Variants in GFPT2 observed in about 807,000 individuals in gnomAD.
The protein encoded by GFPT2 is glutamine--fructose-6-phosphate transaminase 2, also known as glutamine--fructose-6-phosphate aminotransferase [isomerizing] 2.
In GFPT2, 62 loss-of-function variants were observed where a neutral mutation model predicts 85.6. The ratio of observed to expected loss-of-function variants is 0.72; its 90% confidence interval spans 0.59 to 0.90. The LOEUF (loss-of-function observed/expected upper bound fraction) is 0.90. Among genes scored for constraint, GFPT2 ranks in the 40% least tolerant of loss-of-function variants. The pLI, the probability that GFPT2 is intolerant of heterozygous loss-of-function variation, is 0.00. For synonymous variants in GFPT2, 368 were observed against 344.5 expected, an observed-to-expected ratio of 1.07 and a Z score of -0.75; for missense variants, 788 against 893.4, an observed-to-expected ratio of 0.88 and a Z score of 1.50.
intron 1 of GFPT2, 50 bp from the exon 2 acceptor site, chr5:180,338,650 T>G (rs1283093306): frequency 8.5e-7 from 1 of 1,180,924 alleles, no homozygotes; most frequent in Admixed American, 1.8e-5. Flanking sequence ...CAGCTCGTGT[T>G]TGGAAGAAAA....
intron 7 of GFPT2, among the ~76,000 whole-genome samples, chr5:180,327,608 GGTCAGAT>G (rs1159477259): frequency 6.6e-6 from 1 of 152,236 alleles, no homozygotes; most frequent in Non-Finnish European, 1.5e-5. Context: ...GCAGGGACCA[GGTCAGAT>G]GTCACTAAGT....
At chr5:180,339,086 A>G (rs1764459112) in intron 1 of GFPT2, among the ~76,000 whole-genome samples, 1 of 152,026 alleles carries the variant, frequency 6.6e-6, no homozygotes, top group African/African-American at 2.4e-5. Context: ...GACCTTAAAT[A>G]AGCACTACTT....
intron 7 of GFPT2, among the ~76,000 whole-genome samples, chr5:180,327,983 G>A (rs1764239839): frequency 1.3e-5 from 2 of 152,110 alleles, no homozygotes; most frequent in Admixed American, 6.5e-5. Context: ...GATCTGCCCT[G>A]TCTGTACGAT....
In GFPT2 at chr5:180,335,956, A is replaced by T; in HGVS notation, c.215-3T>A. The T allele has an allele frequency of 1.3e-6, 2 of 1,560,596 alleles. No individual in the cohort carries two copies. The highest frequency in any genetic ancestry group is 1.7e-6 in the Non-Finnish European group (2 of 1,158,720). On this transcript the variant is annotated splice_polypyrimidine_tract_variant and splice_region_variant and intron_variant, in intron 3 of 18. Coordinates refer to ENST00000253778, the MANE Select transcript of GFPT2 (RefSeq NM_005110.4). Reference sequence around the variant, plus strand: ...TTTTAAGTCCATGCTGTCTTGTTCTAAATGAAAGGAAAATCAGTTTGCCGC... The same window carrying T: ...TTTTAAGTCCATGCTGTCTTGTTCTTAATGAAAGGAAAATCAGTTTGCCGC...
At chr5:180,329,920 ACTT>A (rs1174811637) in intron 6 of GFPT2, among the ~76,000 whole-genome samples, 1 of 152,012 alleles carries the variant, frequency 6.6e-6, no homozygotes, top group Non-Finnish European at 1.5e-5. Flanking sequence ...CTTCTCAGGG[ACTT>A]CTTCTCCCTG....
chr5:180,321,929 C>A (rs919764109), intron 9 of GFPT2, among the ~76,000 whole-genome samples: 4 of 152,010 alleles, frequency 2.6e-5, no homozygotes, highest in African/African-American at 7.2e-5. Flanking sequence ...GACTACAGGC[C>A]TCCGCCACCA....
intron 16 of GFPT2, among the ~76,000 whole-genome samples, chr5:180,306,032 T>A (rs937988740): frequency 6.6e-5 from 10 of 150,844 alleles, no homozygotes; most frequent in African/African-American, 2.2e-4. Flanking sequence ...TCTCCCAGGC[T>A]GGAGTGCAGT....
At chr5:180,304,690 T>C (rs1581365385) in intron 17 of GFPT2, 82 bp downstream of exon 17, 1 of 1,257,358 alleles carries the variant, frequency 8.0e-7, no homozygotes, top group East Asian at 2.3e-5. Context: ...CATCCATCAC[T>C]GGTACTGGCA....
In GFPT2 at chr5:180,328,300, G is replaced by A; in HGVS notation, c.573C>T (p.Tyr191=). 1.2e-6 allele frequency: 2 copies of A among 1,612,762 alleles called. No homozygotes were observed. The highest frequency in any genetic ancestry group is 1.7e-6 in the Non-Finnish European group (2 of 1,178,778). ...AFALVFKSVH[Y]PGEAVATRRG... ...ACCGTGTGGCAACGGCTTCTCCTGG[G>A]TAGTGGACACTCTTGAAAACCAGCG... The change falls in exon 7 of 19, where the codon TAC becomes TAT. Residue 191 remains tyrosine (Y), a synonymous_variant. Coordinates refer to ENST00000253778, the MANE Select transcript of GFPT2 (RefSeq NM_005110.4). The surrounding 1 kb of genome is among the most constrained non-coding windows in gnomAD (Gnocchi z 5.4).
At chr5:180,307,387 G>A in intron 15 of GFPT2, 84 bp from the exon 16 acceptor site, 1 of 1,410,006 alleles carries the variant, frequency 7.1e-7, no homozygotes, top group Non-Finnish European at 1.0e-6. Context: ...TGGGGTTTAA[G>A]AGGAGCTTTT....
In GFPT2 at chr5:180,316,444, C is replaced by T. The variant is rs1764011537; in HGVS notation, c.1170G>A (p.Glu390=). The T allele has an allele frequency of 6.2e-7, 1 of 1,614,110 alleles. No individual in the cohort carries two copies. Among genetic ancestry groups the T allele is most frequent in the Non-Finnish European group, 8.5e-7 (1 of 1,179,978 alleles). ...HAAVATRQVL[E]ELTELPVMVE... ...CCATCACAGGAAGCTCAGTCAGTTC[C>T]TCCAAAACTTGCCGCGTCTGAAGCC... The change falls in exon 13 of 19, where the codon GAG becomes GAA. Residue 390 remains glutamate, a synonymous_variant. Coordinates refer to ENST00000253778, the MANE Select transcript of GFPT2 (RefSeq NM_005110.4).
At position 180,312,539 on chromosome 5, in the gene GFPT2, A is replaced by G. The variant is rs1763914236; in HGVS notation, c.1437T>C (p.Tyr479=). ...TCACCAGAGAGATGAACTGACTGGT[A>G]TAAGCCTGTGCACAAAGAAGGAGGT... is the stretch of plus-strand genomic sequence containing the variant. ...PEIGVASTKA[Y]TSQFISLVMF... Residue 479 remains tyrosine (Y), a synonymous_variant, in exon 15 of 19, where the codon TAT becomes TAC. Transcript: ENST00000253778. 2.6e-6 allele frequency: 4 copies of G among 1,544,312 alleles called. No individual in the cohort carries two copies. Among genetic ancestry groups the G allele is most frequent in the Non-Finnish European group, 3.6e-6 (4 of 1,116,654 alleles).
At chr5:180,332,656 G>T (rs746561060) in intron 4 of GFPT2, among the ~76,000 whole-genome samples, 1 of 152,130 alleles carries the variant, frequency 6.6e-6, no homozygotes, top group Non-Finnish European at 1.5e-5. Context: ...TCCTGCCTCA[G>T]CCTCCCAAGT....
intron 7 of GFPT2, among the ~76,000 whole-genome samples, chr5:180,325,735 C>T (rs1239793407): frequency 2.0e-5 from 3 of 152,238 alleles, no homozygotes; most frequent in Non-Finnish European, 4.4e-5. Flanking sequence ...ATGAAGATCT[C>T]ATGATTTGGC....
chr5:180,304,857 T>C lies in GFPT2; in HGVS notation c.1757A>G (p.Lys586Arg). ...AATGACCATGATGACGGGCATCTGC[T>C]TGTCAATCAGTGCCAGGGGCCCGTG... ...LKHGPLALID[K>R]QMPVIMVIMK... The change falls in exon 17 of 19, where the codon AAG becomes AGG. Residue 586 changes from lysine to arginine, a missense_variant. Physicochemically the swap from Lys to Arg is conservative, Grantham distance 26. Coordinates refer to ENST00000253778, the MANE Select transcript of GFPT2 (RefSeq NM_005110.4). The C allele has an allele frequency of 1.2e-6, 2 of 1,613,348 alleles. No homozygotes were observed. The highest frequency in any genetic ancestry group is 4.5e-5 in the East Asian group (2 of 44,876).
At chr5:180,326,520 G>C (rs557751478) in intron 7 of GFPT2, among the ~76,000 whole-genome samples, 2 of 152,304 alleles carry the variant, frequency 1.3e-5, no homozygotes, top group African/African-American at 4.8e-5. Context: ...TTGTTTTCCA[G>C]TCACGTTGGC....
At chr5:180,342,414 T>TG (rs947318616) in intron 1 of GFPT2, among the ~76,000 whole-genome samples, 4 of 148,000 alleles carry the variant, frequency 2.7e-5, no homozygotes, top group Non-Finnish European at 4.5e-5. Flanking sequence ...AATGTTTTTT[T>TG]TTTTTTTTTT....
intron 9 of GFPT2, among the ~76,000 whole-genome samples, chr5:180,322,525 G>A (rs550436032): frequency 6.6e-5 from 10 of 152,206 alleles, no homozygotes; most frequent in South Asian, 2.1e-4. Context: ...GCCTGGTCAC[G>A]TGAGGTGACA....
intron 2 of GFPT2, among the ~76,000 whole-genome samples, chr5:180,337,612 G>A (rs1049729027): frequency 2.0e-5 from 3 of 152,114 alleles, no homozygotes; most frequent in South Asian, 2.1e-4. Flanking sequence ...AGACAACAGC[G>A]ACCGGAGAAG....
Sources: gnomAD v4.1 joint callset for allele counts (sites outside exome capture counted in the v4.1 genomes callset) on GRCh38, gnomAD v4.1.1 for gene constraint, Gnocchi (gnomAD v3.1) non-coding constraint, MANE v1.5 for transcripts, NCBI Gene and HGNC (gene_info 2026-07-23, HGNC 2026-07-21) for gene names.